The following ASCC3 variants were observed in gnomAD, a reference collection of about 807,000 sequenced individuals.
The protein encoded by ASCC3 is ASC-1 complex subunit P200.
A neutral mutation model predicts 256.3 loss-of-function variants in ASCC3; 158 were observed. The ratio of observed to expected loss-of-function variants is 0.62; its 90% confidence interval spans 0.54 to 0.70. The LOEUF is 0.70. ASCC3 is among the 30% of genes least tolerant of loss of function. The probability of loss-of-function intolerance (pLI) is 0.00; values close to 1 mark genes in which losing one functional copy is unlikely to be tolerated. For missense variants in ASCC3, 2,259 were observed against 2,626.0 expected (o/e 0.86, Z 3.05); for synonymous variants, 948 against 883.4 (o/e 1.07, Z -1.30).
At position 100,798,903 on chromosome 6, in the gene ASCC3, TC is replaced by T. The variant is rs1197199883; in HGVS notation, c.1270-66del. 4 of 1,391,812 alleles carry T rather than the reference TC, an allele frequency of 2.9e-6. No homozygotes were observed. The African/African-American group carries it at 4.3e-5, about 15-fold the overall frequency. The allele number at this position is 1,391,812 out of a possible 1,614,324, so 86.2% of individuals were successfully genotyped here. A position where few individuals can be genotyped will look rare whatever the true frequency, so the allele number is the denominator to read the frequency against. On this transcript the variant is annotated intron_variant, in intron 7 of 41. Transcript: ENST00000369162. The stretch of plus-strand genomic sequence containing the variant: ...ATAAAACACTTGCTCTGGTAAATAT[TC>T]TTTAGAGAGAGACAGAAAACACTAC...
At chr6:100,871,015 A>C (rs766426643) in intron 1 of ASCC3, among the ~76,000 whole-genome samples, 1 of 152,168 alleles carries the variant, frequency 6.6e-6, no homozygotes, top group Non-Finnish European at 1.5e-5. Flanking sequence ...GAAAATTTAC[A>C]TTTCCAACAA....
intron 19 of ASCC3, 104 bp downstream of exon 19, chr6:100,651,441 TTGCTGATATTCCAAA>T: frequency 2.5e-6 from 1 of 407,428 alleles, no homozygotes; most frequent in Non-Finnish European, 4.4e-6. Flanking sequence ...ATGAAGAACA[TTGCTGATATTCCAAA>T]TGTGATGTGC....
At chr6:100,781,362 G>A (rs1017577024) in intron 8 of ASCC3, among the ~76,000 whole-genome samples, 13 of 151,918 alleles carry the variant, frequency 8.6e-5, no homozygotes, top group African/African-American at 3.1e-4. Flanking sequence ...GCAACTGCTC[G>A]TGGTACACTT....
At chr6:100,562,940 G>A (rs1286242927) in intron 36 of ASCC3, among the ~76,000 whole-genome samples, 1 of 151,922 alleles carries the variant, frequency 6.6e-6, no homozygotes, top group Non-Finnish European at 1.5e-5. Flanking sequence ...CAATTTCATA[G>A]GCTAAAAAGG....
At chr6:100,581,872 T>C (rs1200176677) in intron 36 of ASCC3, among the ~76,000 whole-genome samples, 2 of 151,082 alleles carry the variant, frequency 1.3e-5, no homozygotes, top group African/African-American at 2.4e-5. Context: ...TTTCTCAGGT[T>C]TGTCAAAGAT....
chr6:100,827,204 G>A (rs1272180988), intron 4 of ASCC3, among the ~76,000 whole-genome samples: 2 of 152,160 alleles, frequency 1.3e-5, no homozygotes, highest in Non-Finnish European at 2.9e-5. Context: ...CACATTTTGT[G>A]TTTTACATTC....
chr6:100,785,567 A>G (rs1180111786), intron 8 of ASCC3, among the ~76,000 whole-genome samples: 1 of 152,052 alleles, frequency 6.6e-6, no homozygotes, highest in African/African-American at 2.4e-5. Context: ...ATGTCTGGCT[A>G]ATTTTTTTAA....
intron 17 of ASCC3, among the ~76,000 whole-genome samples, chr6:100,654,869 TAAAAG>T (rs1473289683): frequency 6.6e-6 from 1 of 151,748 alleles, no homozygotes; most frequent in African/African-American, 2.4e-5. Context: ...AAGAAAAAAA[TAAAAG>T]AAATAAAAAT....
At chr6:100,648,782 G>A (rs946600867) in intron 20 of ASCC3, among the ~76,000 whole-genome samples, 5 of 151,778 alleles carry the variant, frequency 3.3e-5, no homozygotes, top group African/African-American at 1.2e-4. Context: ...TAATATTTCA[G>A]GATCTACAGT....
At chr6:100,727,679 C>A (rs1779701912) in intron 10 of ASCC3, among the ~76,000 whole-genome samples, 1 of 150,768 alleles carries the variant, frequency 6.6e-6, no homozygotes, top group African/African-American at 2.4e-5. Context: ...ACAACAACAA[C>A]AAAAAAGGGT....
intron 13 of ASCC3, among the ~76,000 whole-genome samples, chr6:100,701,095 C>T (rs911404886): frequency 1.6e-4 from 25 of 152,228 alleles, no homozygotes; most frequent in African/African-American, 5.1e-4. Flanking sequence ...GGGAGGAACC[C>T]GGTTGGAGGT....
chr6:100,761,364 T>A (rs2115117120), intron 10 of ASCC3, among the ~76,000 whole-genome samples: 1 of 152,292 alleles, frequency 6.6e-6, no homozygotes, highest in African/African-American at 2.4e-5. Context: ...GGCATGCGCC[T>A]GTAATCTCTG....
intron 14 of ASCC3, among the ~76,000 whole-genome samples, chr6:100,679,078 C>T (rs981929240): frequency 3.9e-5 from 6 of 151,946 alleles, no homozygotes; most frequent in Admixed American, 6.6e-5. Flanking sequence ...TTGGCGAGTC[C>T]GGGTTGGGGC....
At chr6:100,808,396 T>C (rs1171477326) in intron 4 of ASCC3, among the ~76,000 whole-genome samples, 1 of 152,086 alleles carries the variant, frequency 6.6e-6, no homozygotes, top group East Asian at 1.9e-4. Flanking sequence ...CTACTGCTTG[T>C]CAAGTTTTAA....
intron 4 of ASCC3, among the ~76,000 whole-genome samples, chr6:100,816,560 T>C (rs773072364): frequency 3.3e-5 from 5 of 152,196 alleles, no homozygotes; most frequent in Non-Finnish European, 5.9e-5. Context: ...ATATACATTA[T>C]GGAATACTAT....
chr6:100,601,693 C>T lies in ASCC3; in HGVS notation c.5303+117G>A. The T allele has an allele frequency of 2.5e-6, 3 of 1,186,556 alleles. No individual in the cohort carries two copies. In the South Asian group the frequency reaches 4.2e-5, roughly 17 times the overall value. The allele number at this position is 1,186,556 out of a possible 1,614,324, so 73.5% of individuals were successfully genotyped here. ...CTGATTCTTTAGACAAATTCATATA[C>T]CTAGAATCTCCAAAGTTCTGCCTTT... On this transcript the variant is annotated intron_variant, in intron 34 of 41. Coordinates refer to ENST00000369162, the MANE Select transcript of ASCC3 (RefSeq NM_006828.4).
intron 40 of ASCC3, among the ~76,000 whole-genome samples, chr6:100,511,340 C>T (rs1390365642): frequency 6.6e-6 from 1 of 152,130 alleles, no homozygotes; most frequent in African/African-American, 2.4e-5. Flanking sequence ...ATTGCTTAAA[C>T]CCGGGAGGCG....
At chr6:100,682,288 T>A (rs969023518) in intron 13 of ASCC3, among the ~76,000 whole-genome samples, 28 of 152,284 alleles carry the variant, frequency 1.8e-4, no homozygotes, top group African/African-American at 6.7e-4. Context: ...AAAACTGCCA[T>A]GAAAACGAGA....
intron 13 of ASCC3, among the ~76,000 whole-genome samples, chr6:100,689,639 G>A (rs1777742956): frequency 6.6e-6 from 1 of 152,174 alleles, no homozygotes; most frequent in Non-Finnish European, 1.5e-5. Flanking sequence ...TTTCAGCAGA[G>A]ATTTGAATTT....
Sources: gnomAD v4.1 joint callset for allele counts (sites outside exome capture counted in the v4.1 genomes callset) on GRCh38, gnomAD v4.1.1 for gene constraint, MANE v1.5 for transcripts, NCBI Gene and HGNC (gene_info 2026-07-23, HGNC 2026-07-21) for gene names.